RFTN1: variants seen among roughly 807,000 people sequenced by gnomAD.
The protein encoded by RFTN1 is raftlin, lipid raft linker 1.
In RFTN1, 26 loss-of-function variants were observed where a neutral mutation model predicts 46.5. That is an observed-to-expected ratio of 0.56 (90% CI 0.41 to 0.78). The LOEUF is 0.78. Among genes scored for constraint, RFTN1 ranks in the 30% least tolerant of loss-of-function variants. The pLI, the probability that RFTN1 is intolerant of heterozygous loss-of-function variation, is 0.00. For missense variants in RFTN1, 693 were observed against 718.7 expected (o/e 0.96, Z 0.41); for synonymous variants, 261 against 284.2 (o/e 0.92, Z 0.82).
chr3:16,344,659 A>C lies in RFTN1; in HGVS notation c.1146+13273T>G, dbSNP rs1318544118. 6.6e-6 allele frequency among the ~76,000 whole-genome samples: 1 copy of C among 152,186 alleles called. No individual in the cohort carries two copies. Among genetic ancestry groups the C allele is most frequent in the East Asian group, 1.9e-4 (1 of 5,200 alleles). ...TGCACAAGCCCCTGAAAAAGATGTGAAACAGGCCAAGGCACAGGATGGCAT... is the reference window on the plus strand; with the variant it reads ...TGCACAAGCCCCTGAAAAAGATGTGCAACAGGCCAAGGCACAGGATGGCAT... On this transcript the variant is annotated intron_variant, in intron 7 of 9. Coordinates refer to ENST00000334133, the MANE Select transcript of RFTN1 (RefSeq NM_015150.2). This position sits in a 1 kb window ranked among gnomAD's most constrained non-coding sequence, Gnocchi z 4.4.
At chr3:16,403,777 A>AT (rs2074690269) in intron 4 of RFTN1, among the ~76,000 whole-genome samples, 1 of 17,706 alleles carries the variant, frequency 5.6e-5, no homozygotes, top group Non-Finnish European at 8.4e-5. Context: ...TATATAATAT[A>AT]TATTATATAT....
chr3:16,398,375 C>T (rs976508116), intron 4 of RFTN1, among the ~76,000 whole-genome samples: 1 of 151,708 alleles, frequency 6.6e-6, no homozygotes, highest in Non-Finnish European at 1.5e-5. Context: ...AGGGAGGGTG[C>T]AATCAAGAGC....
At chr3:16,409,162 G>A (rs1305998060) in intron 4 of RFTN1, among the ~76,000 whole-genome samples, 1 of 152,236 alleles carries the variant, frequency 6.6e-6, no homozygotes, top group African/African-American at 2.4e-5. Context: ...ACAGGACCCG[G>A]GCTCCTGCAT....
Position 16,459,502 on chromosome 3 carries a change from G to T in RFTN1, c.146-25465C>A, listed in dbSNP as rs1265118405. The stretch of plus-strand genomic sequence containing the variant: ...CCCAGCTACTTGGAGACTAAGGTGG[G>T]GCACTGCTTAAGCTCAGGAGTTCAA... On this transcript the variant is annotated intron_variant, in intron 2 of 9. Coordinates refer to ENST00000334133, the MANE Select transcript of RFTN1 (RefSeq NM_015150.2). This position sits in a 1 kb window ranked among gnomAD's most constrained non-coding sequence, Gnocchi z 4.2. Among the ~76,000 whole-genome samples, 1 of 152,082 alleles carries T rather than the reference G, an allele frequency of 6.6e-6. No homozygotes were observed. The highest frequency in any genetic ancestry group is 2.4e-5 in the African/African-American group (1 of 41,398).
At chr3:16,378,670 C>T (rs1303624085) in intron 4 of RFTN1, among the ~76,000 whole-genome samples, 1 of 152,146 alleles carries the variant, frequency 6.6e-6, no homozygotes, top group Admixed American at 6.5e-5. Flanking sequence ...GCAAATCCTC[C>T]CTGAGAGGTA....
In RFTN1 at chr3:16,326,926, C is replaced by G. The variant is rs563985721; in HGVS notation, c.1147-50G>C. On this transcript the variant is annotated intron_variant, in intron 7 of 9. Coordinates refer to ENST00000334133, the MANE Select transcript of RFTN1 (RefSeq NM_015150.2). ...GGCTGCTGCTGCCACAAGCCAACTCCCAGGCAATGAGAGGGGACTATTCAG... is the reference window on the plus strand; with the variant it reads ...GGCTGCTGCTGCCACAAGCCAACTCGCAGGCAATGAGAGGGGACTATTCAG... 6 of 1,437,562 alleles carry G rather than the reference C, an allele frequency of 4.2e-6. No homozygotes were observed. In the African/African-American group the frequency reaches 8.4e-5, roughly 20 times the overall value. The allele number at this position is 1,437,562 out of a possible 1,614,324, so 89.1% of individuals were successfully genotyped here. A position where few individuals can be genotyped will look rare whatever the true frequency, so the allele number is the denominator to read the frequency against.
At chr3:16,493,623 A>T in intron 2 of RFTN1, 102 bp downstream of exon 2, 4 of 1,131,866 alleles carry the variant, frequency 3.5e-6, no homozygotes, top group Non-Finnish European at 3.7e-6. Flanking sequence ...TCATTTCTTC[A>T]CAGCCCCCAC....
intron 1 of RFTN1, among the ~76,000 whole-genome samples, chr3:16,503,215 G>T (rs1239886447): frequency 6.6e-6 from 1 of 152,092 alleles, no homozygotes; most frequent in Non-Finnish European, 1.5e-5. Context: ...CTCAGAACCT[G>T]CTACTCAACA....
At chr3:16,405,474 G>T (rs536091356) in intron 4 of RFTN1, among the ~76,000 whole-genome samples, 1 of 152,288 alleles carries the variant, frequency 6.6e-6, no homozygotes, top group Non-Finnish European at 1.5e-5. Context: ...AGCACTCAGA[G>T]AAACTGGCCA....
chr3:16,348,488 C>G lies in RFTN1; in HGVS notation c.1146+9444G>C, dbSNP rs889551876. Among the ~76,000 whole-genome samples the G allele has an allele frequency of 2.6e-5, 4 of 152,150 alleles. No individual in the cohort carries two copies. Among genetic ancestry groups the G allele is most frequent in the African/African-American group, 9.7e-5 (4 of 41,444 alleles). On this transcript the variant is annotated intron_variant, in intron 7 of 9. Coordinates refer to ENST00000334133, the MANE Select transcript of RFTN1 (RefSeq NM_015150.2). This position sits in a 1 kb window ranked among gnomAD's most constrained non-coding sequence, Gnocchi z 6.3. ...AAGTCCTGGCTTGACTTGCCAATACCCAGCTGGAGCCCACTGTGTCCAGGA... is the reference window on the plus strand; with the variant it reads ...AAGTCCTGGCTTGACTTGCCAATACGCAGCTGGAGCCCACTGTGTCCAGGA...
rs1053854349 is a variant in RFTN1 at position 16,381,951 on chromosome 3, G to A, written c.442-3849C>T. ...GAGAGTGGGAGTCTGAGGGAAAACTGCAAGATTTCTTCGAATGCTCATCTT... is the reference window on the plus strand; with the variant it reads ...GAGAGTGGGAGTCTGAGGGAAAACTACAAGATTTCTTCGAATGCTCATCTT... On this transcript the variant is annotated intron_variant, in intron 4 of 9. Transcript: ENST00000334133. The surrounding 1 kb of genome is among the most constrained non-coding windows in gnomAD (Gnocchi z 4.2). 6.6e-6 allele frequency among the ~76,000 whole-genome samples: 1 copy of A among 152,136 alleles called. No individual in the cohort carries two copies. Among genetic ancestry groups the A allele is most frequent in the Non-Finnish European group, 1.5e-5 (1 of 68,020 alleles).
At chr3:16,495,422 T>A (rs181424871) in intron 1 of RFTN1, among the ~76,000 whole-genome samples, 2 of 152,358 alleles carry the variant, frequency 1.3e-5, no homozygotes, top group African/African-American at 2.4e-5. Context: ...TCATGCAGAT[T>A]TACTCATGCC....
At position 16,410,260 on chromosome 3, in the gene RFTN1, AACT is replaced by A. The variant is rs2074958089; in HGVS notation, c.333-780_333-778del. On this transcript the variant is annotated intron_variant, in intron 3 of 9. Transcript: ENST00000334133. This position sits in a 1 kb window ranked among gnomAD's most constrained non-coding sequence, Gnocchi z 4.6. ...ACACACACACACACACACACACACA[AACT>A]CTCACTCCAGTAATGTCTATGTCCC... Among the ~76,000 whole-genome samples the A allele has an allele frequency of 2.0e-4, 21 of 103,764 alleles. No homozygotes were observed. The highest frequency in any genetic ancestry group is 8.2e-4 in the African/African-American group (21 of 25,456). 68.1% of individuals were successfully genotyped at this position (103,764 alleles called of 152,430 possible). A position where few individuals can be genotyped will look rare whatever the true frequency, so the allele number is the denominator to read the frequency against.
chr3:16,367,298 T>G (rs2073248022), intron 6 of RFTN1, among the ~76,000 whole-genome samples: 1 of 151,882 alleles, frequency 6.6e-6, no homozygotes, highest in South Asian at 2.1e-4. Flanking sequence ...TTTTTCTTAA[T>G]TCTGGGAAAA....
At chr3:16,343,503 C>T (rs74807887) in intron 7 of RFTN1, among the ~76,000 whole-genome samples, 2 of 152,214 alleles carry the variant, frequency 1.3e-5, no homozygotes, top group Non-Finnish European at 2.9e-5. Context: ...GTGTCTCCCG[C>T]ATCACTGTCA....
chr3:16,477,209 A>C (rs1341016228), intron 2 of RFTN1, among the ~76,000 whole-genome samples: 1 of 152,206 alleles, frequency 6.6e-6, no homozygotes, highest in Non-Finnish European at 1.5e-5. Context: ...TTTTTCCTGA[A>C]ACTGGATTAA....
In RFTN1 at chr3:16,384,817, C is replaced by T. The variant is rs1473151152; in HGVS notation, c.442-6715G>A. 6.6e-6 allele frequency among the ~76,000 whole-genome samples: 1 copy of T among 152,158 alleles called. No homozygotes were observed. The highest frequency in any genetic ancestry group is 2.4e-5 in the African/African-American group (1 of 41,432). On this transcript the variant is annotated intron_variant, in intron 4 of 9. Transcript: ENST00000334133. The surrounding 1 kb of genome is among the most constrained non-coding windows in gnomAD (Gnocchi z 4.7). ...TTAGTCACATGAGTCACATTTCAAGCACCCACCAGCCACTTGTGGCTAGTG... is the reference window on the plus strand; with the variant it reads ...TTAGTCACATGAGTCACATTTCAAGTACCCACCAGCCACTTGTGGCTAGTG...
chr3:16,475,205 C>T lies in RFTN1; in HGVS notation c.145+18520G>A, dbSNP rs575676731. On this transcript the variant is annotated intron_variant, in intron 2 of 9. Transcript: ENST00000334133. The surrounding 1 kb of genome is among the most constrained non-coding windows in gnomAD (Gnocchi z 4.2). Reference sequence around the variant, plus strand: ...AGCCCTCACCAGAAGCAGATGCTGACGCCATGCTTCTTGTACAGCTGGTGG... The same window carrying T: ...AGCCCTCACCAGAAGCAGATGCTGATGCCATGCTTCTTGTACAGCTGGTGG... 7.2e-5 allele frequency among the ~76,000 whole-genome samples: 11 copies of T among 152,310 alleles called. No homozygotes were observed. The highest frequency in any genetic ancestry group is 2.2e-4 in the African/African-American group (9 of 41,568).
rs997178173 is a variant in RFTN1, at chr3:16,337,535, A to C, written c.1147-10659T>G. ...GAGGTGGGTGGATCATGAGGTCAGG[A>C]GATCGAGACCACCCTGGCCAACATG... On this transcript the variant is annotated intron_variant, in intron 7 of 9. Coordinates refer to ENST00000334133, the MANE Select transcript of RFTN1 (RefSeq NM_015150.2). This position sits in a 1 kb window ranked among gnomAD's most constrained non-coding sequence, Gnocchi z 5.0. 3.3e-5 allele frequency among the ~76,000 whole-genome samples: 5 copies of C among 152,106 alleles called. No homozygotes were observed. The highest frequency in any genetic ancestry group is 1.2e-4 in the African/African-American group (5 of 41,490).
Sources: gnomAD v4.1 joint callset for allele counts (sites outside exome capture counted in the v4.1 genomes callset) on GRCh38, gnomAD v4.1.1 for gene constraint, Gnocchi (gnomAD v3.1) non-coding constraint, MANE v1.5 for transcripts, NCBI Gene and HGNC (gene_info 2026-07-23, HGNC 2026-07-21) for gene names.